Variants in LRRC28 observed in about 807,000 individuals in gnomAD.
LRRC28 encodes the protein leucine-rich repeat-containing protein 28.
In LRRC28, 39 loss-of-function variants were observed where a neutral mutation model predicts 45.7. The ratio of observed to expected loss-of-function variants is 0.85; its 90% CI spans 0.66 to 1.12. LRRC28 has a LOEUF of 1.12. Ranked by LOEUF, LRRC28 falls within the 50% of genes most tolerant of loss-of-function variation. The probability of loss-of-function intolerance (pLI) is 0.00; values close to 1 mark genes in which losing one functional copy is unlikely to be tolerated. For missense variants in LRRC28, 435 were observed against 438.5 expected (o/e 0.99, Z 0.07); for synonymous variants, 206 against 178.8 (o/e 1.15, Z -1.22).
At chr15:99,339,462 G>C (rs978223919) in intron 6 of LRRC28, among the ~76,000 whole-genome samples, 27 of 152,286 alleles carry the variant, frequency 1.8e-4, no homozygotes, top group African/African-American at 6.5e-4. Flanking sequence ...TGGGAACCGT[G>C]GCTCACGCCT....
intron 3 of LRRC28, among the ~76,000 whole-genome samples, chr15:99,279,211 T>C (rs1461849851): frequency 6.6e-6 from 1 of 152,244 alleles, no homozygotes; most frequent in Non-Finnish European, 1.5e-5. Flanking sequence ...GGTTTATTCA[T>C]GTTGTAGCAG....
intron 5 of LRRC28, among the ~76,000 whole-genome samples, chr15:99,299,978 C>T (rs2082355959): frequency 1.3e-5 from 2 of 152,154 alleles, no homozygotes; most frequent in African/African-American, 4.8e-5. Context: ...TTAGCTGGAT[C>T]TGCTGACATC....
chr15:99,276,632 C>A lies in LRRC28; in HGVS notation c.209+16C>A. On this transcript the variant is annotated intron_variant, in intron 3 of 9. Transcript: ENST00000301981. ...TTGTGGAACTGTGAGTCTGTTTATT[C>A]AAATTTTTTAAAGACAAGAATGAAA... is the stretch of plus-strand genomic sequence containing the variant. 1 of 1,503,534 alleles carries A rather than the reference C, an allele frequency of 6.7e-7. No homozygotes were observed. Among genetic ancestry groups the A allele is most frequent in the South Asian group, 1.4e-5 (1 of 72,918 alleles). The allele number at this position is 1,503,534 out of a possible 1,614,324, so 93.1% of individuals were successfully genotyped here.
intron 2 of LRRC28, chr15:99,257,653 G>A (rs1479112045): frequency 2.8e-6 from 2 of 726,400 alleles, no homozygotes; most frequent in Non-Finnish European, 5.2e-6. Flanking sequence ...GGGTGCTGGG[G>A]CCTCTGCTGC....
In LRRC28 at chr15:99,359,157, G is replaced by A. The variant is rs1351360165; in HGVS notation, c.696-2179G>A. On this transcript the variant is annotated intron_variant, in intron 7 of 9. Coordinates refer to ENST00000301981, the MANE Select transcript of LRRC28 (RefSeq NM_144598.5). ...TAATATATGCACAGTCTTCAAATCAGGGTAACCCTCTTAAGAAATTCAGAA... is the reference window on the plus strand; with the variant it reads ...TAATATATGCACAGTCTTCAAATCAAGGTAACCCTCTTAAGAAATTCAGAA... Among the ~76,000 whole-genome samples, 9 of 152,132 alleles carry A rather than the reference G, an allele frequency of 5.9e-5. No homozygotes were observed. The South Asian group carries it at 8.3e-4, about 14-fold the overall frequency.
chr15:99,329,157 G>A (rs1956079054), intron 5 of LRRC28, among the ~76,000 whole-genome samples: 4 of 152,080 alleles, frequency 2.6e-5, no homozygotes, highest in African/African-American at 4.8e-5. Context: ...TTGCAAAAAC[G>A]CTGAGATAAA....
intron 5 of LRRC28, among the ~76,000 whole-genome samples, chr15:99,306,793 T>C (rs150767324): frequency 1.3e-5 from 2 of 152,276 alleles, no homozygotes; most frequent in East Asian, 1.9e-4. Context: ...ATGAGTGTTC[T>C]GTGTCACGCT....
At chr15:99,263,939 G>A (rs116392020) in intron 2 of LRRC28, among the ~76,000 whole-genome samples, 3 of 152,276 alleles carry the variant, frequency 2.0e-5, no homozygotes, top group East Asian at 1.9e-4. Context: ...ATGGCATAAC[G>A]TTCGAGGGAC....
Position 99,256,051 on chromosome 15 carries a change from T to G in LRRC28, c.94T>G (p.Leu32Val). The G allele has an allele frequency of 6.2e-7, 1 of 1,613,954 alleles. No homozygotes were observed. Among genetic ancestry groups the G allele is most frequent in the Non-Finnish European group, 8.5e-7 (1 of 1,179,948 alleles). Residue 32 changes from leucine (L) to valine (V), a missense_variant, in exon 2 of 10, where the codon TTG becomes GTG. Transcript: ENST00000301981. ...TTATAGGAATCTGCACCATTTTCCATTGGAGTTACTGAAAGATGAGGGACT... is the reference window on the plus strand; with the variant it reads ...TTATAGGAATCTGCACCATTTTCCAGTGGAGTTACTGAAAGATGAGGGACT... ...LNYRNLHHFP[L>V]ELLKDEGLQY...
chr15:99,364,400 C>T (rs1957287671), intron 9 of LRRC28, among the ~76,000 whole-genome samples: 1 of 152,148 alleles, frequency 6.6e-6, no homozygotes, highest in Non-Finnish European at 1.5e-5. Flanking sequence ...TCCTGTTTTG[C>T]TATATTTCAC....
At chr15:99,268,610 A>G (rs1478964040) in intron 2 of LRRC28, among the ~76,000 whole-genome samples, 1 of 152,198 alleles carries the variant, frequency 6.6e-6, no homozygotes, top group East Asian at 1.9e-4. Flanking sequence ...CAACAAATAC[A>G]TACGTTATGT....
chr15:99,319,554 C>G (rs1248834207), intron 5 of LRRC28, among the ~76,000 whole-genome samples: 1 of 151,950 alleles, frequency 6.6e-6, no homozygotes, highest in Non-Finnish European at 1.5e-5. Context: ...TGGTTAGATA[C>G]CAGCGAACAC....
At chr15:99,300,545 G>A (rs1228619306) in intron 5 of LRRC28, among the ~76,000 whole-genome samples, 2 of 152,074 alleles carry the variant, frequency 1.3e-5, no homozygotes, top group Non-Finnish European at 2.9e-5. Context: ...ATGCACAATT[G>A]GCCGGGCACC....
In LRRC28 at chr15:99,361,499, A is replaced by G; in HGVS notation, c.859A>G (p.Ser287Gly). 6.3e-7 allele frequency: 1 copy of G among 1,599,990 alleles called. No individual in the cohort carries two copies. Among genetic ancestry groups the G allele is most frequent in the Non-Finnish European group, 8.5e-7 (1 of 1,174,738 alleles). Residue 287 changes from serine (S) to glycine (G), a missense_variant, in exon 8 of 10, where the codon AGC becomes GGC. Physicochemically the swap from Ser to Gly is moderately conservative, Grantham distance 56. Transcript: ENST00000301981. Reference protein sequence around the residue: ...AMRGLYHTYHSLLKDLNFLSP... With the variant: ...AMRGLYHTYHGLLKDLNFLSP... ...GAGAGGGCTGTATCATACCTACCACAGCTTGCTGAAAGGTACGTGGGACTT... is the reference window on the plus strand; with the variant it reads ...GAGAGGGCTGTATCATACCTACCACGGCTTGCTGAAAGGTACGTGGGACTT...
chr15:99,280,014 T>C (rs765113025), intron 3 of LRRC28, among the ~76,000 whole-genome samples: 1 of 152,214 alleles, frequency 6.6e-6, no homozygotes, highest in Non-Finnish European at 1.5e-5. Context: ...GATAGATATG[T>C]GGTTTTTATG....
At chr15:99,285,523 C>T in intron 3 of LRRC28, 1 of 1,076,186 alleles carries the variant, frequency 9.3e-7, no homozygotes, top group South Asian at 1.4e-5. Context: ...GCTCAGGCCT[C>T]CAATGAAGAG....
chr15:99,342,922 A>AT (rs1190795331), intron 6 of LRRC28, among the ~76,000 whole-genome samples: 2 of 152,228 alleles, frequency 1.3e-5, no homozygotes, highest in Non-Finnish European at 2.9e-5. Flanking sequence ...GTTTGTGTGT[A>AT]TTTAAAGAAG....
chr15:99,303,575 T>C (rs1955062817), intron 5 of LRRC28, among the ~76,000 whole-genome samples: 1 of 152,188 alleles, frequency 6.6e-6, no homozygotes, highest in Non-Finnish European at 1.5e-5. Context: ...GGCTCATGCC[T>C]ACAATCCTAG....
chr15:99,251,745 C>G (rs1010971019), intron 1 of LRRC28: 1 of 152,288 alleles, frequency 6.6e-6, no homozygotes, highest in African/African-American at 2.4e-5. Context: ...GACCCGAGAA[C>G]CCTGATACCG....
Sources: allele counts gnomAD v4.1 joint callset (sites outside exome capture counted in the v4.1 genomes callset), GRCh38; gene constraint gnomAD v4.1.1; transcripts MANE v1.5; gene names NCBI Gene and HGNC (gene_info 2026-07-23, HGNC 2026-07-21).